SYT1: variants seen among roughly 807,000 people sequenced by gnomAD.
The protein encoded by SYT1 is synaptotagmin-1.
In SYT1, 8 loss-of-function variants were observed where a neutral mutation model predicts 44.8. The ratio of observed to expected loss-of-function variants is 0.18; its 90% CI spans 0.10 to 0.32. The LOEUF (loss-of-function observed/expected upper bound fraction) is 0.32, where lower values mean the gene tolerates loss of function less well. Among genes scored for constraint, SYT1 ranks in the 10% least tolerant of loss-of-function variants. SYT1 has a pLI of 1.00. For synonymous variants in SYT1, 154 were observed against 188.8 expected, an observed-to-expected ratio of 0.82 and a Z score of 1.51; for missense variants, 286 against 509.3, an observed-to-expected ratio of 0.56 and a Z score of 4.22.
intron 3 of SYT1, among the ~76,000 whole-genome samples, chr12:79,201,998 T>C (rs993156377): frequency 6.6e-6 from 1 of 152,184 alleles, no homozygotes; most frequent in Non-Finnish European, 1.5e-5. Context: ...ATCAGTGAAA[T>C]TATAGTATCT....
At chr12:78,949,507 G>T (rs1048122523) in intron 1 of SYT1, among the ~76,000 whole-genome samples, 12 of 150,654 alleles carry the variant, frequency 8.0e-5, no homozygotes, top group African/African-American at 1.2e-4. Flanking sequence ...ATAATATCCA[G>T]TTTAAGAGAT....
At chr12:79,004,733 A>G (rs2137544278) in intron 2 of SYT1, among the ~76,000 whole-genome samples, 1 of 152,076 alleles carries the variant, frequency 6.6e-6, no homozygotes, top group South Asian at 2.1e-4. Flanking sequence ...ACTTTACCAC[A>G]TTTCATTTCA....
chr12:79,315,458 C>G (rs758114990), intron 8 of SYT1, among the ~76,000 whole-genome samples: 5 of 152,132 alleles, frequency 3.3e-5, no homozygotes, highest in Non-Finnish European at 7.4e-5. Flanking sequence ...CTCAAACAAT[C>G]CTCTCACCTA....
At position 79,176,073 on chromosome 12, in the gene SYT1, C is replaced by T. The variant is rs190501192; in HGVS notation, c.-17-41430C>T. 8.2e-4 allele frequency among the ~76,000 whole-genome samples: 125 copies of T among 151,962 alleles called. 1 individual carries two copies. The highest frequency in any genetic ancestry group is 2.9e-3 in the African/African-American group (119 of 41,488). ...TGGAAGGCCGAGGAGGGTGGATCACCTGATGTTCAGAGTTCAAAACCAGCC... is the reference window on the plus strand; with the variant it reads ...TGGAAGGCCGAGGAGGGTGGATCACTTGATGTTCAGAGTTCAAAACCAGCC... On this transcript the variant is annotated intron_variant, in intron 3 of 10. Coordinates refer to ENST00000261205, the MANE Select transcript of SYT1 (RefSeq NM_005639.3).
intron 2 of SYT1, among the ~76,000 whole-genome samples, chr12:79,046,668 T>C (rs1874085532): frequency 1.3e-5 from 2 of 152,112 alleles, no homozygotes; most frequent in South Asian, 4.1e-4. Flanking sequence ...TTGTAATATA[T>C]ACATATTTAT....
At chr12:79,123,309 A>ATG (rs66869713) in intron 3 of SYT1, among the ~76,000 whole-genome samples, 26,529 of 141,356 alleles carry the variant, frequency 0.19, 2,604 homozygotes, top group Middle Eastern at 0.21. Flanking sequence ...TAAAAATGCA[A>ATG]TGTGTGTGTG....
chr12:79,278,718 T>A (rs191154085), intron 4 of SYT1, among the ~76,000 whole-genome samples: 7 of 152,050 alleles, frequency 4.6e-5, no homozygotes, highest in African/African-American at 1.7e-4. Context: ...AACAAAAAGT[T>A]GGTTATTTGA....
At chr12:79,244,917 C>T (rs978587755) in intron 4 of SYT1, among the ~76,000 whole-genome samples, 1 of 151,828 alleles carries the variant, frequency 6.6e-6, no homozygotes, top group Non-Finnish European at 1.5e-5. Flanking sequence ...AAAAGTTACT[C>T]AAAAACTTCA....
intron 3 of SYT1, among the ~76,000 whole-genome samples, chr12:79,096,792 A>G (rs74110142): frequency 7.8e-4 from 118 of 152,128 alleles, no homozygotes; most frequent in African/African-American, 2.8e-3. Context: ...CATTGAAAGC[A>G]ATATGGGAGT....
intron 9 of SYT1, among the ~76,000 whole-genome samples, chr12:79,426,270 C>G (rs1343890046): frequency 6.6e-6 from 1 of 152,074 alleles, no homozygotes; most frequent in Non-Finnish European, 1.5e-5. Context: ...TCCTCTTTGT[C>G]TAATCTTCAC....
chr12:79,290,933 A>AT (rs1427891320), intron 5 of SYT1, among the ~76,000 whole-genome samples: 1 of 152,138 alleles, frequency 6.6e-6, no homozygotes, highest in Non-Finnish European at 1.5e-5. Flanking sequence ...GTAATTTTGT[A>AT]TTTTTTTAAT....
At chr12:79,000,667 T>C (rs1870681230) in intron 2 of SYT1, among the ~76,000 whole-genome samples, 2 of 152,290 alleles carry the variant, frequency 1.3e-5, no homozygotes, top group South Asian at 4.1e-4. Flanking sequence ...AATTTGTCTG[T>C]ATAGTTGAAG....
At chr12:79,146,047 G>A (rs746699996) in intron 3 of SYT1, among the ~76,000 whole-genome samples, 3 of 152,188 alleles carry the variant, frequency 2.0e-5, no homozygotes, top group Non-Finnish European at 4.4e-5. Context: ...GTGAGCCACC[G>A]CGCCCGGCCT....
chr12:79,016,636 A>T (rs922896644), intron 2 of SYT1, among the ~76,000 whole-genome samples: 1 of 152,064 alleles, frequency 6.6e-6, no homozygotes, highest in Non-Finnish European at 1.5e-5. Flanking sequence ...CTGAGCATTA[A>T]ATGGGTAGCA....
intron 1 of SYT1, among the ~76,000 whole-genome samples, chr12:78,880,975 CA>C: frequency 6.6e-6 from 1 of 151,658 alleles, no homozygotes; most frequent in South Asian, 2.1e-4. Flanking sequence ...AGAAAAAAAA[CA>C]AACCTTTTTC....
intron 9 of SYT1, among the ~76,000 whole-genome samples, chr12:79,388,191 G>T (rs1000666831): frequency 1.3e-5 from 2 of 152,126 alleles, no homozygotes; most frequent in African/African-American, 2.4e-5. Context: ...TATAGCTTCA[G>T]GAAACTGTAG....
chr12:79,127,595 C>T (rs1413005474), intron 3 of SYT1, among the ~76,000 whole-genome samples: 1 of 152,186 alleles, frequency 6.6e-6, no homozygotes, highest in African/African-American at 2.4e-5. Context: ...CACTGAACAA[C>T]GTTGTCTTAA....
chr12:78,906,613 A>G (rs1456357496), intron 1 of SYT1, among the ~76,000 whole-genome samples: 1 of 152,160 alleles, frequency 6.6e-6, no homozygotes, highest in African/African-American at 2.4e-5. Flanking sequence ...TGTGAGGGAT[A>G]CACTGGAAGT....
At chr12:79,161,114 C>T (rs1175821278) in intron 3 of SYT1, among the ~76,000 whole-genome samples, 1 of 151,986 alleles carries the variant, frequency 6.6e-6, no homozygotes. Context: ...GGTGGGTGCA[C>T]CTGTAGTCCC....
Sources: allele counts gnomAD v4.1 joint callset (sites outside exome capture counted in the v4.1 genomes callset), GRCh38; gene constraint gnomAD v4.1.1; transcripts MANE v1.5; gene names NCBI Gene and HGNC (gene_info 2026-07-23, HGNC 2026-07-21).